The following IKZF2 variants were observed in gnomAD, a reference collection of about 807,000 sequenced individuals.
IKZF2 encodes the protein zinc finger protein Helios.
A neutral mutation model predicts 49.2 loss-of-function variants in IKZF2; 15 were observed. That is an observed-to-expected ratio of 0.30 (90% confidence interval 0.20 to 0.47). IKZF2 has a LOEUF of 0.47. Ranked by LOEUF, IKZF2 falls within the 20% of genes least tolerant of loss-of-function variation. The pLI is 1.00. For missense variants in IKZF2, 567 were observed against 664.6 expected (o/e 0.85, Z 1.61); for synonymous variants, 227 against 221.4 (o/e 1.03, Z -0.23).
intron 7 of IKZF2, chr2:213,021,505 G>T: frequency 3.8e-6 from 1 of 262,168 alleles, no homozygotes. Flanking sequence ...TTTGCTTGGA[G>T]AATGTTTTTT....
intron 7 of IKZF2, among the ~76,000 whole-genome samples, chr2:213,019,700 C>T (rs1261679126): frequency 1.3e-5 from 2 of 152,136 alleles, no homozygotes; most frequent in Non-Finnish European, 2.9e-5. Flanking sequence ...TTTGGTTTTA[C>T]CCTCTGCTCT....
intron 4 of IKZF2, among the ~76,000 whole-genome samples, chr2:213,083,892 A>G (rs562721917): frequency 1.3e-5 from 2 of 151,974 alleles, no homozygotes; most frequent in South Asian, 2.1e-4. Flanking sequence ...GAATTATTTC[A>G]TTATATATAA....
intron 6 of IKZF2, among the ~76,000 whole-genome samples, chr2:213,048,290 T>C (rs2125321195): frequency 6.6e-6 from 1 of 152,204 alleles, no homozygotes; most frequent in Admixed American, 6.6e-5. Context: ...ACAGATAACA[T>C]AATATGTACA....
chr2:213,068,117 C>T (rs1194542687), intron 4 of IKZF2, among the ~76,000 whole-genome samples: 2 of 151,984 alleles, frequency 1.3e-5, no homozygotes, highest in Non-Finnish European at 2.9e-5. Context: ...CCATAGAAAG[C>T]AAAGTAGACA....
At chr2:213,121,429 G>A (rs544276394) in intron 4 of IKZF2, among the ~76,000 whole-genome samples, 5 of 152,204 alleles carry the variant, frequency 3.3e-5, no homozygotes, top group African/African-American at 1.2e-4. Context: ...TCAGTACTTG[G>A]GTGCTACACT....
chr2:213,100,238 C>T (rs1440751429), intron 4 of IKZF2, among the ~76,000 whole-genome samples: 1 of 152,012 alleles, frequency 6.6e-6, no homozygotes, highest in Non-Finnish European at 1.5e-5. Context: ...ATTACTCTAT[C>T]AAACTTTGGT....
intron 8 of IKZF2, among the ~76,000 whole-genome samples, chr2:213,011,939 G>A (rs1365882618): frequency 6.6e-6 from 1 of 152,032 alleles, no homozygotes; most frequent in Non-Finnish European, 1.5e-5. Flanking sequence ...ATATTGGCAA[G>A]AGAGATGTAG....
chr2:213,134,494 C>T (rs1270226224), intron 4 of IKZF2, among the ~76,000 whole-genome samples: 5 of 152,144 alleles, frequency 3.3e-5, no homozygotes, highest in African/African-American at 1.2e-4. Context: ...ATAGATTAGT[C>T]CAAGATGGCC....
intron 6 of IKZF2, among the ~76,000 whole-genome samples, chr2:213,044,525 T>C (rs181100396): frequency 1.3e-5 from 2 of 152,270 alleles, no homozygotes; most frequent in Admixed American, 6.5e-5. Flanking sequence ...GCTGGCAAGA[T>C]GATTATTCAA....
chr2:213,115,615 A>C (rs1379272237), intron 4 of IKZF2, among the ~76,000 whole-genome samples: 1 of 152,212 alleles, frequency 6.6e-6, no homozygotes, highest in Non-Finnish European at 1.5e-5. Flanking sequence ...ACCAGTCCAT[A>C]ATTTGAACTC....
chr2:213,061,617 C>T (rs1211804502), intron 4 of IKZF2, among the ~76,000 whole-genome samples: 1 of 151,340 alleles, frequency 6.6e-6, no homozygotes, highest in East Asian at 1.9e-4. Flanking sequence ...CTACCTTAGC[C>T]AATAAAGAAC....
At chr2:213,125,461 TC>T (rs1211418189) in intron 4 of IKZF2, among the ~76,000 whole-genome samples, 3 of 152,158 alleles carry the variant, frequency 2.0e-5, no homozygotes, top group Admixed American at 1.3e-4. Context: ...GATACCATCT[TC>T]CCCCATTCAG....
intron 6 of IKZF2, among the ~76,000 whole-genome samples, chr2:213,038,303 C>A (rs1699244759): frequency 6.6e-6 from 1 of 152,156 alleles, no homozygotes; most frequent in South Asian, 2.1e-4. Context: ...TCGTGATCTG[C>A]CCGTCTCGGC....
intron 4 of IKZF2, among the ~76,000 whole-genome samples, chr2:213,058,821 A>C (rs1276869069): frequency 6.6e-6 from 1 of 151,870 alleles, no homozygotes; most frequent in Non-Finnish European, 1.5e-5. Flanking sequence ...CATGGCAAAG[A>C]AAAAACAAAA....
intron 6 of IKZF2, among the ~76,000 whole-genome samples, chr2:213,039,477 A>G (rs1699399123): frequency 6.6e-6 from 1 of 152,096 alleles, no homozygotes; most frequent in African/African-American, 2.4e-5. Flanking sequence ...TAAACTGACA[A>G]TTAGACATAA....
intron 4 of IKZF2, among the ~76,000 whole-genome samples, chr2:213,083,645 G>A (rs1485191571): frequency 1.4e-5 from 2 of 143,800 alleles, no homozygotes; most frequent in African/African-American, 2.6e-5. Flanking sequence ...CAGGTGATCC[G>A]CCCACCTCGG....
intron 4 of IKZF2, among the ~76,000 whole-genome samples, chr2:213,132,199 C>T (rs1169613999): frequency 6.6e-6 from 1 of 151,976 alleles, no homozygotes; most frequent in African/African-American, 2.4e-5. Flanking sequence ...TACCCTCAGG[C>T]TGCAGAGATT....
chr2:213,084,850 G>A (rs1367125021), intron 4 of IKZF2, among the ~76,000 whole-genome samples: 1 of 152,146 alleles, frequency 6.6e-6, no homozygotes, highest in Non-Finnish European at 1.5e-5. Flanking sequence ...TGCATTGGAT[G>A]TCCTCATTTG....
intron 4 of IKZF2, among the ~76,000 whole-genome samples, chr2:213,064,169 G>T (rs1000068776): frequency 2.6e-5 from 4 of 151,792 alleles, no homozygotes; most frequent in Non-Finnish European, 5.9e-5. Context: ...GTCCTGCTAT[G>T]AATTATCGGT....
Sources: allele counts gnomAD v4.1 joint callset (sites outside exome capture counted in the v4.1 genomes callset), GRCh38; gene constraint gnomAD v4.1.1; transcripts MANE v1.5; gene names NCBI Gene and HGNC (gene_info 2026-07-23, HGNC 2026-07-21).